Variants in ZNF469 observed in about 807,000 individuals in gnomAD.
The protein encoded by ZNF469 is zinc finger protein 469.
A neutral mutation model predicts 1.0 loss-of-function variants in ZNF469; 1 was observed. The ratio of observed to expected loss-of-function variants is 1.00; its 90% CI spans 0.35 to 4.73. The LOEUF (loss-of-function observed/expected upper bound fraction) is 4.73, where lower values mean the gene tolerates loss of function less well. Ranked by LOEUF, ZNF469 falls within the 30% of genes most tolerant of loss-of-function variation. The pLI is 0.16. For synonymous variants in ZNF469, 2,703 were observed against 2,363.4 expected, an observed-to-expected ratio of 1.14 and a Z score of -4.17; for missense variants, 6,100 against 5,356.3, an observed-to-expected ratio of 1.14 and a Z score of -4.33.
the ZNF469 span, among the ~76,000 whole-genome samples, chr16:88,331,779 C>A: frequency 6.6e-6 from 1 of 150,450 alleles, no homozygotes; most frequent in African/African-American, 2.4e-5. Flanking sequence ...GTTACCACCG[C>A]CATCATCATC....
At chr16:88,196,368 A>G in the ZNF469 span, among the ~76,000 whole-genome samples, 1 of 152,188 alleles carries the variant, frequency 6.6e-6, no homozygotes, top group Non-Finnish European at 1.5e-5. Flanking sequence ...CAAGGATCCC[A>G]GCCTAGTTCA....
chr16:88,172,723 G>A, the ZNF469 span, among the ~76,000 whole-genome samples: 4 of 152,206 alleles, frequency 2.6e-5, no homozygotes, highest in Non-Finnish European at 4.4e-5. Context: ...ATGTGTTCAA[G>A]AAGGAGGAAG....
the ZNF469 span, among the ~76,000 whole-genome samples, chr16:88,181,774 A>C: frequency 6.6e-6 from 1 of 152,238 alleles, no homozygotes. Context: ...CAATAAATTC[A>C]AAGTAAGGAA....
chr16:88,434,020 A>G lies in ZNF469; in HGVS notation c.6550A>G (p.Thr2184Ala), dbSNP rs1567514232. 1 of 1,550,128 alleles carries G rather than the reference A, an allele frequency of 6.5e-7. No homozygotes were observed. The highest frequency in any genetic ancestry group is 8.7e-7 in the Non-Finnish European group (1 of 1,146,884). Residue 2184 changes from threonine to alanine, a missense_variant, in exon 3 of 3, where the codon ACG (threonine) becomes GCG (alanine). Physicochemically the swap from Thr to Ala is moderately conservative, Grantham distance 58 (BLOSUM62 0). Transcript: ENST00000565624. ...PLEEADGVQATTDTGAEDSPV... is the reference protein window; with the variant it reads ...PLEEADGVQAATDTGAEDSPV... ...GGAAGAGGCAGATGGCGTCCAAGCC[A>G]CGACAGATACTGGGGCTGAGGATTC...
chr16:88,433,383 C>T lies in ZNF469; in HGVS notation c.5913C>T (p.Ala1971=), dbSNP rs139723958. Residue 1971 remains alanine, a synonymous_variant, in exon 3 of 3, where the codon GCC becomes GCT. Coordinates refer to ENST00000565624, the MANE Select transcript of ZNF469 (RefSeq NM_001367624.2). ...GVQVTTLPAV[A]GHQLGLEADG... ...AGGTGACAACTCTCCCTGCAGTGGC[C>T]GGACATCAGCTGGGGCTGGAGGCAG... 9.0e-6 allele frequency: 14 copies of T among 1,550,302 alleles called. No individual in the cohort carries two copies. The highest frequency in any genetic ancestry group is 2.0e-5 in the Admixed American group (1 of 51,006).
the ZNF469 span, among the ~76,000 whole-genome samples, chr16:88,143,608 C>T: frequency 6.6e-6 from 1 of 152,232 alleles, no homozygotes; most frequent in African/African-American, 2.4e-5. Context: ...GGCCCAGGCC[C>T]AGGGCTGACA....
the ZNF469 span, among the ~76,000 whole-genome samples, chr16:88,150,343 A>C: frequency 1.3e-5 from 2 of 152,184 alleles, no homozygotes; most frequent in African/African-American, 4.8e-5. Flanking sequence ...CAAATAAACT[A>C]AAAAATGTGC....
the ZNF469 span, among the ~76,000 whole-genome samples, chr16:88,346,334 C>T: frequency 2.0e-5 from 3 of 152,172 alleles, no homozygotes; most frequent in African/African-American, 7.2e-5. Flanking sequence ...CCCAGCTACG[C>T]TTGTCCACTA....
At chr16:88,233,206 C>T in the ZNF469 span, among the ~76,000 whole-genome samples, 1 of 152,228 alleles carries the variant, frequency 6.6e-6, no homozygotes, top group African/African-American at 2.4e-5. Context: ...CCGCGGCAAG[C>T]ATCTCCCCTC....
chr16:88,169,226 G>A, the ZNF469 span, among the ~76,000 whole-genome samples: 1 of 152,204 alleles, frequency 6.6e-6, no homozygotes, highest in East Asian at 1.9e-4. This position sits in a 1 kb window ranked among gnomAD's most constrained non-coding sequence, Gnocchi z 6.1. Flanking sequence ...TGTTGTTGCT[G>A]AAGTCAGGTT....
the ZNF469 span, among the ~76,000 whole-genome samples, chr16:88,110,721 C>T: frequency 6.6e-6 from 1 of 152,082 alleles, no homozygotes; most frequent in African/African-American, 2.4e-5. Flanking sequence ...CCTTTTCCAT[C>T]GAAGGTGGGG....
chr16:88,438,789 G>C lies in ZNF469; in HGVS notation c.11319G>C (p.Arg3773=). 1 of 1,550,222 alleles carries C rather than the reference G, an allele frequency of 6.5e-7. No homozygotes were observed. The highest frequency in any genetic ancestry group is 8.7e-7 in the Non-Finnish European group (1 of 1,146,914). The change falls in exon 3 of 3, where the codon CGG becomes CGC. Residue 3773 remains arginine, a synonymous_variant. Coordinates refer to ENST00000565624, the MANE Select transcript of ZNF469 (RefSeq NM_001367624.2). ...CAGCCAAGCCCAGCTTCCCCAGCCG[G>C]AGCCCTGCACCAGAGAGGCTCCCCG... ...TTPAKPSFPS[R]SPAPERLPAR... is the part of the protein sequence containing the mutation.
At chr16:88,326,367 C>A in the ZNF469 span, among the ~76,000 whole-genome samples, 1 of 152,194 alleles carries the variant, frequency 6.6e-6, no homozygotes, top group Non-Finnish European at 1.5e-5. Flanking sequence ...GTGAGGTCTC[C>A]CCAGCCACGT....
chr16:88,331,937 T>G, the ZNF469 span, among the ~76,000 whole-genome samples: 1 of 152,204 alleles, frequency 6.6e-6, no homozygotes, highest in African/African-American at 2.4e-5. Context: ...AGTAGCCCCC[T>G]CCTCATTCAC....
the ZNF469 span, among the ~76,000 whole-genome samples, chr16:88,347,734 C>A: frequency 2.0e-5 from 3 of 152,208 alleles, no homozygotes; most frequent in African/African-American, 4.8e-5. Context: ...GTCCTCCCAT[C>A]TTCGCCTTTC....
chr16:88,210,604 A>G, the ZNF469 span, among the ~76,000 whole-genome samples: 2 of 152,238 alleles, frequency 1.3e-5, no homozygotes, highest in African/African-American at 2.4e-5. Flanking sequence ...TTTTTTATGT[A>G]TAGTATGAGA....
chr16:88,135,285 G>A, the ZNF469 span, among the ~76,000 whole-genome samples: 5 of 152,268 alleles, frequency 3.3e-5, no homozygotes, highest in Admixed American at 3.3e-4. Flanking sequence ...AATCCTCTCT[G>A]GCACACATCA....
the ZNF469 span, among the ~76,000 whole-genome samples, chr16:88,343,049 C>G: frequency 6.6e-6 from 1 of 152,174 alleles, no homozygotes; most frequent in Admixed American, 6.5e-5. Context: ...CACACGGGGA[C>G]TGAGAAGCAT....
chr16:88,284,596 G>A, the ZNF469 span, among the ~76,000 whole-genome samples: 667 of 144,712 alleles, frequency 4.6e-3, 5 homozygotes, highest in African/African-American at 0.016. Flanking sequence ...GGGCGACAGA[G>A]GGAGATCCCA....
Sources: gnomAD v4.1 joint callset for allele counts (sites outside exome capture counted in the v4.1 genomes callset) on GRCh38, gnomAD v4.1.1 for gene constraint, Gnocchi (gnomAD v3.1) non-coding constraint, MANE v1.5 for transcripts, NCBI Gene and HGNC (gene_info 2026-07-23, HGNC 2026-07-21) for gene names.